LRRC75A: variants seen among roughly 807,000 people sequenced by gnomAD.
The protein encoded by LRRC75A is leucine rich repeat containing 75A.
LRRC75A carries 12 observed loss-of-function variants against 26.0 expected under a neutral mutation model. The ratio of observed to expected loss-of-function variants is 0.46; its 90% CI spans 0.30 to 0.75. The LOEUF (loss-of-function observed/expected upper bound fraction) is 0.75. Among genes scored for constraint, LRRC75A ranks in the 30% least tolerant of loss-of-function variants. LRRC75A has a pLI of 0.08. For missense variants in LRRC75A, 410 were observed against 486.6 expected, an observed-to-expected ratio of 0.84 and a Z score of 1.48; for synonymous variants, 223 against 219.3, an observed-to-expected ratio of 1.02 and a Z score of -0.15.
chr17:16,464,792 C>T (rs2093755295), intron 1 of LRRC75A, among the ~76,000 whole-genome samples: 1 of 151,700 alleles, frequency 6.6e-6, no homozygotes, highest in East Asian at 1.9e-4. Flanking sequence ...CCCCGGGACA[C>T]AAACTATCAC....
At chr17:16,456,170 GGGT>G (rs1229648901) in intron 2 of LRRC75A, among the ~76,000 whole-genome samples, 8 of 121,034 alleles carry the variant, frequency 6.6e-5, no homozygotes, top group African/African-American at 2.3e-4. Flanking sequence ...GGAAGAGGAG[GGGT>G]AGGAGGAGGA....
intron 2 of LRRC75A, among the ~76,000 whole-genome samples, chr17:16,455,168 G>A (rs1385971306): frequency 6.6e-6 from 1 of 152,092 alleles, no homozygotes; most frequent in Non-Finnish European, 1.5e-5. Flanking sequence ...CCTGACCTCA[G>A]ACGATCCGCC....
chr17:16,481,647 G>A (rs11078347), intron 1 of LRRC75A, among the ~76,000 whole-genome samples: 28,554 of 151,872 alleles, frequency 0.19, 2,884 homozygotes, highest in Middle Eastern at 0.36. Context: ...AGGAGAAGGT[G>A]TCTGTGGGTC....
At chr17:16,463,517 C>T (rs879590910) in intron 1 of LRRC75A, among the ~76,000 whole-genome samples, 20 of 152,314 alleles carry the variant, frequency 1.3e-4, no homozygotes, top group Non-Finnish European at 2.4e-4. Context: ...GGCCCACCCA[C>T]TGCAGGCTGT....
chr17:16,484,746 C>T (rs946090964), intron 1 of LRRC75A, among the ~76,000 whole-genome samples: 9 of 152,118 alleles, frequency 5.9e-5, no homozygotes, highest in African/African-American at 2.2e-4. Context: ...GGCAGAAAGA[C>T]ACGCGGACAC....
At chr17:16,475,307 GAT>G (rs1491273542) in intron 1 of LRRC75A, among the ~76,000 whole-genome samples, 2 of 152,164 alleles carry the variant, frequency 1.3e-5, no homozygotes, top group African/African-American at 4.8e-5. Flanking sequence ...GAACTGATAA[GAT>G]GTGTGTGTGT....
intron 2 of LRRC75A, 116 bp from the exon 3 acceptor site, chr17:16,448,076 G>A (rs1296775049): frequency 1.1e-6 from 1 of 907,730 alleles, no homozygotes; most frequent in East Asian, 2.6e-5. Context: ...GCTGGGGGAG[G>A]CCCTGCTCTG....
chr17:16,447,256 G>T (rs1450021820), intron 3 of LRRC75A, among the ~76,000 whole-genome samples: 2 of 152,050 alleles, frequency 1.3e-5, no homozygotes. Context: ...GAACCCCCTT[G>T]TTGCTGTATG....
At chr17:16,456,169 G>C (rs899860101) in intron 2 of LRRC75A, among the ~76,000 whole-genome samples, 1 of 121,006 alleles carries the variant, frequency 8.3e-6, no homozygotes, top group Admixed American at 7.9e-5. Flanking sequence ...AGGAAGAGGA[G>C]GGGTAGGAGG....
At chr17:16,469,116 T>A (rs566596064) in intron 1 of LRRC75A, among the ~76,000 whole-genome samples, 4 of 152,230 alleles carry the variant, frequency 2.6e-5, no homozygotes, top group Admixed American at 2.6e-4. Context: ...CTCTGTGTCT[T>A]CTGGATTTAT....
intron 2 of LRRC75A, among the ~76,000 whole-genome samples, chr17:16,459,270 G>A (rs1366456057): frequency 1.3e-5 from 2 of 152,202 alleles, no homozygotes; most frequent in African/African-American, 2.4e-5. Context: ...AGACCAGTAA[G>A]TAAAACAGAG....
rs1465342833 is a variant in LRRC75A at position 16,447,923 on chromosome 17, C to T, written c.413G>A (p.Arg138Gln). Residue 138 changes from arginine to glutamine, a missense_variant, in exon 3 of 4, where the codon CGG becomes CAG. Coordinates refer to ENST00000470794, the MANE Select transcript of LRRC75A (RefSeq NM_001113567.3). Reference sequence around the variant, plus strand: ...GGGGCTGAGGTGGTATGTCAGCTGCCGGCACAGCTTCTCCATGGCGCCCAG... The same window carrying T: ...GGGGCTGAGGTGGTATGTCAGCTGCTGGCACAGCTTCTCCATGGCGCCCAG... Reference protein sequence around the residue: ...DALGAMEKLCRQLTYHLSPHS... With the variant: ...DALGAMEKLCQQLTYHLSPHS... 20 of 1,550,870 alleles carry T rather than the reference C, an allele frequency of 1.3e-5. No individual in the cohort carries two copies. In the Admixed American group the frequency reaches 1.4e-4, roughly 11 times the overall value.
At chr17:16,452,507 G>A (rs1244469608) in intron 2 of LRRC75A, among the ~76,000 whole-genome samples, 4 of 151,582 alleles carry the variant, frequency 2.6e-5, no homozygotes, top group Non-Finnish European at 5.9e-5. Context: ...GCGCGGTCTT[G>A]GCTCACTGCA....
intron 2 of LRRC75A, among the ~76,000 whole-genome samples, chr17:16,458,487 C>T (rs1420025524): frequency 7.3e-5 from 11 of 150,966 alleles, no homozygotes; most frequent in Non-Finnish European, 1.5e-4. Flanking sequence ...TTTTTTGAGA[C>T]GGAGTTTCGC....
intron 1 of LRRC75A, among the ~76,000 whole-genome samples, chr17:16,487,495 G>A (rs2093849478): frequency 1.3e-5 from 2 of 152,160 alleles, no homozygotes; most frequent in South Asian, 4.1e-4. Flanking sequence ...CTGGAGTGCA[G>A]AGGCTTGATC....
chr17:16,481,988 G>C (rs1388142364), intron 1 of LRRC75A, among the ~76,000 whole-genome samples: 2 of 152,170 alleles, frequency 1.3e-5, no homozygotes, highest in Non-Finnish European at 2.9e-5. Flanking sequence ...GGTACTGCCA[G>C]GTGCGCGGTG....
In LRRC75A at chr17:16,485,631, A is replaced by AGTGTGTGTGTGTGTGT. The variant is rs35125617; in HGVS notation, c.246+6098_246+6113dup. Among the ~76,000 whole-genome samples the AGTGTGTGTGTGTGTGT allele has an allele frequency of 1.4e-3, 182 of 128,434 alleles. 1 individual carries two copies. The highest frequency in any genetic ancestry group is 4.2e-3 in the African/African-American group (134 of 31,642). 84.3% of individuals were successfully genotyped at this position (128,434 alleles called of 152,430 possible). A position where few individuals can be genotyped will look rare whatever the true frequency, so the allele number is the denominator to read the frequency against. On this transcript the variant is annotated intron_variant, in intron 1 of 3. Coordinates refer to ENST00000470794, the MANE Select transcript of LRRC75A (RefSeq NM_001113567.3). ...ACAGCCAGGAGGAGCCAGGACAAGC[A>AGTGTGTGTGTGTGTGT]GTGTGTGTGTGTGTGTGTGTGTGTG...
At chr17:16,483,927 ACTT>A (rs1403615939) in intron 1 of LRRC75A, among the ~76,000 whole-genome samples, 1 of 152,134 alleles carries the variant, frequency 6.6e-6, no homozygotes, top group Non-Finnish European at 1.5e-5. Flanking sequence ...AATGCATACT[ACTT>A]TTTTAATTTT....
At position 16,491,684 on chromosome 17, in the gene LRRC75A, C is replaced by T; in HGVS notation, c.246+61G>A. The T allele has an allele frequency of 4.2e-6, 5 of 1,188,884 alleles. No homozygotes were observed. Among genetic ancestry groups the T allele is most frequent in the Non-Finnish European group, 5.3e-6 (5 of 939,978 alleles). 73.6% of individuals were successfully genotyped at this position (1,188,884 alleles called of 1,614,324 possible). A position where few individuals can be genotyped will look rare whatever the true frequency, so the allele number is the denominator to read the frequency against. On this transcript the variant is annotated intron_variant, in intron 1 of 3. Coordinates refer to ENST00000470794, the MANE Select transcript of LRRC75A (RefSeq NM_001113567.3). The surrounding 1 kb of genome is among the most constrained non-coding windows in gnomAD (Gnocchi z 5.9). Reference sequence around the variant, plus strand: ...CTTCCTCGGTTAGGGATGGGGCGCCCCCCCCGGCCCAGCACGCCCCCTGGC... The same window carrying T: ...CTTCCTCGGTTAGGGATGGGGCGCCTCCCCCGGCCCAGCACGCCCCCTGGC...
Sources: gnomAD v4.1 joint callset for allele counts (sites outside exome capture counted in the v4.1 genomes callset) on GRCh38, gnomAD v4.1.1 for gene constraint, Gnocchi (gnomAD v3.1) non-coding constraint, MANE v1.5 for transcripts, NCBI Gene and HGNC (gene_info 2026-07-23, HGNC 2026-07-21) for gene names.